CDH13: variants seen among roughly 807,000 people sequenced by gnomAD.
CDH13 encodes the protein cadherin-13.
A neutral mutation model predicts 63.8 loss-of-function variants in CDH13; 24 were observed. The observed-to-expected ratio is 0.38, with a 90% CI of 0.27 to 0.53. CDH13 has a LOEUF of 0.53. Among genes scored for constraint, CDH13 ranks in the 20% least tolerant of loss-of-function variants. The pLI is 0.85. For synonymous variants in CDH13, 503 were observed against 355.3 expected (o/e 1.42, Z -4.67); for missense variants, 1,049 against 903.1 (o/e 1.16, Z -2.07).
intron 1 of CDH13, among the ~76,000 whole-genome samples, chr16:82,828,278 C>T (rs974031569): frequency 4.6e-5 from 7 of 152,276 alleles, no homozygotes; most frequent in South Asian, 2.1e-4. Flanking sequence ...GTCAGCCCTT[C>T]GTATCCACAG....
In CDH13 at chr16:82,664,600, C is replaced by T. The variant is rs527840064; in HGVS notation, c.45+37463C>T. Among the ~76,000 whole-genome samples the T allele has an allele frequency of 1.1e-4, 17 of 152,298 alleles. 1 individual carries two copies. In the South Asian group the frequency reaches 3.5e-3, roughly 32 times the overall value. Reference sequence around the variant, plus strand: ...TACATTTGATGACTGGGAGAAAGGACCCAAGTTTTTCCTGTGTGTTTCCTT... The same window carrying T: ...TACATTTGATGACTGGGAGAAAGGATCCAAGTTTTTCCTGTGTGTTTCCTT... On this transcript the variant is annotated intron_variant, in intron 1 of 13. Transcript: ENST00000567109.
chr16:83,242,101 G>T (rs1210427122), intron 5 of CDH13, among the ~76,000 whole-genome samples: 1 of 152,288 alleles, frequency 6.6e-6, no homozygotes, highest in East Asian at 1.9e-4. Context: ...TTCCCATTGT[G>T]TAGTCCTGGC....
chr16:83,487,130 C>T (rs2073907831), intron 7 of CDH13, among the ~76,000 whole-genome samples: 1 of 152,178 alleles, frequency 6.6e-6, no homozygotes, highest in Admixed American at 6.5e-5. Flanking sequence ...CCCTCTCTTC[C>T]TCCATCTCTG....
chr16:83,757,437 A>T (rs796855270), intron 11 of CDH13, among the ~76,000 whole-genome samples: 1 of 151,998 alleles, frequency 6.6e-6, no homozygotes, highest in Non-Finnish European at 1.5e-5. Flanking sequence ...GATTAGCTGG[A>T]TACAGTGGCA....
chr16:83,042,609 T>C (rs377018607), intron 3 of CDH13, among the ~76,000 whole-genome samples: 1 of 152,198 alleles, frequency 6.6e-6, no homozygotes, highest in Non-Finnish European at 1.5e-5. Flanking sequence ...ACCGCCACCA[T>C]GAACACCCTC....
intron 1 of CDH13, among the ~76,000 whole-genome samples, chr16:82,771,859 G>C (rs1219876800): frequency 1.3e-5 from 2 of 152,214 alleles, no homozygotes; most frequent in African/African-American, 2.4e-5. Flanking sequence ...TCATCTTCCA[G>C]GGAGACTGGG....
intron 1 of CDH13, among the ~76,000 whole-genome samples, chr16:82,840,189 G>T (rs142277994): frequency 6.6e-6 from 1 of 152,006 alleles, no homozygotes; most frequent in Non-Finnish European, 1.5e-5. Flanking sequence ...CAGATACACC[G>T]ATTTTGTTTG....
At chr16:82,816,330 T>C (rs950560276) in intron 1 of CDH13, among the ~76,000 whole-genome samples, 1 of 152,146 alleles carries the variant, frequency 6.6e-6, no homozygotes, top group Admixed American at 6.5e-5. Context: ...GTAGTGGTGA[T>C]ACAGCAGTGG....
At chr16:83,091,472 A>G (rs1462074617) in intron 3 of CDH13, among the ~76,000 whole-genome samples, 1 of 152,198 alleles carries the variant, frequency 6.6e-6, no homozygotes, top group African/African-American at 2.4e-5. Context: ...ATGTCTACAG[A>G]GAAACTGTAT....
intron 1 of CDH13, among the ~76,000 whole-genome samples, chr16:82,733,367 C>T (rs1003110910): frequency 6.0e-5 from 8 of 132,686 alleles, no homozygotes; most frequent in African/African-American, 1.8e-4. Flanking sequence ...TTTATTTTTG[C>T]TATGTAAAAA....
intron 6 of CDH13, among the ~76,000 whole-genome samples, chr16:83,417,326 A>G (rs186463081): frequency 1.3e-5 from 2 of 152,202 alleles, no homozygotes; most frequent in Admixed American, 1.3e-4. Flanking sequence ...CCCCAAGATT[A>G]CCATTACAGC....
At chr16:83,587,858 C>T (rs1382148646) in intron 7 of CDH13, among the ~76,000 whole-genome samples, 7 of 152,050 alleles carry the variant, frequency 4.6e-5, no homozygotes, top group Non-Finnish European at 8.8e-5. Context: ...CAATTTTACA[C>T]GGTGGCAAAT....
rs570222334 is a variant in CDH13 at position 82,872,694 on chromosome 16, G to C, written c.157+14221G>C. On this transcript the variant is annotated intron_variant, in intron 2 of 13. Transcript: ENST00000567109. ...GAGCAAAAGGGCAAGAGGTACAAAT[G>C]CTTGCCAGTCAAAATATCCCCAAGG... Among the ~76,000 whole-genome samples the C allele has an allele frequency of 9.2e-5, 14 of 152,148 alleles. 1 individual carries two copies. The highest frequency in any genetic ancestry group is 1.9e-4 in the Non-Finnish European group (13 of 68,002).
At chr16:83,265,183 C>G (rs144776975) in intron 5 of CDH13, among the ~76,000 whole-genome samples, 4 of 152,246 alleles carry the variant, frequency 2.6e-5, no homozygotes, top group Non-Finnish European at 4.4e-5. Flanking sequence ...TGTATTTCTG[C>G]TCTAGTTTCT....
At chr16:83,596,146 G>A (rs1451440634) in intron 7 of CDH13, among the ~76,000 whole-genome samples, 1 of 152,188 alleles carries the variant, frequency 6.6e-6, no homozygotes, top group Non-Finnish European at 1.5e-5. Context: ...GGTTGACCTT[G>A]ATAATGGGGC....
At chr16:83,448,895 G>A (rs1051721365) in intron 6 of CDH13, among the ~76,000 whole-genome samples, 4 of 152,166 alleles carry the variant, frequency 2.6e-5, no homozygotes, top group Non-Finnish European at 5.9e-5. Flanking sequence ...GGAGGTTACT[G>A]ATGACTTTCG....
At chr16:82,899,540 G>T (rs2041387781) in intron 2 of CDH13, among the ~76,000 whole-genome samples, 1 of 152,104 alleles carries the variant, frequency 6.6e-6, no homozygotes, top group Admixed American at 6.5e-5. Context: ...ACAAGCCCTA[G>T]TTTCGGAACT....
At chr16:83,710,533 T>A (rs1758294925) in intron 10 of CDH13, 1 of 140,050 alleles carries the variant, frequency 7.1e-6, no homozygotes, top group Admixed American at 7.3e-5. Flanking sequence ...TCAGGTGTGT[T>A]CAAGGGAGGC....
chr16:83,471,629 C>G (rs557113844), intron 6 of CDH13, among the ~76,000 whole-genome samples: 95 of 152,286 alleles, frequency 6.2e-4, no homozygotes, highest in Non-Finnish European at 1.2e-3. Flanking sequence ...TTTTGCAGCT[C>G]AGAGAGGCTG....
Sources: gnomAD v4.1 joint callset for allele counts (sites outside exome capture counted in the v4.1 genomes callset) on GRCh38, gnomAD v4.1.1 for gene constraint, MANE v1.5 for transcripts, NCBI Gene and HGNC (gene_info 2026-07-23, HGNC 2026-07-21) for gene names.